Variants in TMEM131 observed in about 807,000 individuals in gnomAD.
The protein encoded by TMEM131 is transmembrane protein 131, also known as 2610524E03Rik.
A neutral mutation model predicts 211.6 loss-of-function variants in TMEM131; 66 were observed. The observed-to-expected ratio is 0.31, with a 90% CI of 0.26 to 0.38. The LOEUF is 0.38. Ranked by LOEUF, TMEM131 falls within the 10% of genes least tolerant of loss-of-function variation. The pLI, the probability that TMEM131 is intolerant of heterozygous loss-of-function variation, is 1.00. For synonymous variants in TMEM131, 844 were observed against 841.3 expected (o/e 1.00, Z -0.06); for missense variants, 2,036 against 2,299.3 (o/e 0.89, Z 2.34).
At chr2:97,762,836 C>T (rs1386187356) in intron 35 of TMEM131, 1 of 152,218 alleles carries the variant, frequency 6.6e-6, no homozygotes. Context: ...CATTGCACTC[C>T]AGCCTGACCC....
chr2:97,812,392 T>C, intron 17 of TMEM131, 29 bp downstream of exon 17: 1 of 1,587,026 alleles, frequency 6.3e-7, no homozygotes, highest in Non-Finnish European at 8.5e-7. Context: ...TCCATCTTAC[T>C]TTAAGGAGAC....
chr2:97,841,908 A>G lies in TMEM131; in HGVS notation c.630T>C (p.Tyr210=). 1 of 1,588,872 alleles carries G rather than the reference A, an allele frequency of 6.3e-7. No homozygotes were observed. The highest frequency in any genetic ancestry group is 8.6e-7 in the Non-Finnish European group (1 of 1,166,232). Residue 210 remains tyrosine (Y), a synonymous_variant, in exon 7 of 41, where the codon TAT becomes TAC. Transcript: ENST00000186436. ...TGGCCCCAAGGAACGGCCTCAATCG[A>G]TATGGATTTGGAACTCCAACACCAA... The part of the protein sequence containing the change: ...QVFGVGVPNP[Y]RLRPFLGARV...
intron 4 of TMEM131, among the ~76,000 whole-genome samples, chr2:97,868,788 T>C (rs116210789): frequency 6.6e-6 from 1 of 152,204 alleles, no homozygotes; most frequent in African/African-American, 2.4e-5. Flanking sequence ...AGTTAGACAG[T>C]AGAACTCCTC....
At chr2:97,987,116 C>T (rs1188998846) in intron 1 of TMEM131, among the ~76,000 whole-genome samples, 1 of 152,228 alleles carries the variant, frequency 6.6e-6, no homozygotes, top group Non-Finnish European at 1.5e-5. Context: ...TTAACTAGCA[C>T]ATCCTTTGAT....
At chr2:97,974,715 GA>G (rs921915520) in intron 1 of TMEM131, among the ~76,000 whole-genome samples, 62 of 140,048 alleles carry the variant, frequency 4.4e-4, no homozygotes, top group East Asian at 1.0e-3. Flanking sequence ...AAAAGAAAAA[GA>G]AAAAAAAAAA....
intron 1 of TMEM131, among the ~76,000 whole-genome samples, chr2:97,931,341 A>G (rs949270745): frequency 2.0e-5 from 3 of 149,090 alleles, no homozygotes; most frequent in Non-Finnish European, 4.4e-5. Context: ...TCAATGTGTC[A>G]GTTGTTTCAA....
At chr2:97,931,784 G>C (rs1475990763) in intron 1 of TMEM131, among the ~76,000 whole-genome samples, 2 of 152,154 alleles carry the variant, frequency 1.3e-5, no homozygotes, top group African/African-American at 4.8e-5. Flanking sequence ...CAGGCCTCAG[G>C]AGGGTCCCCA....
At chr2:97,773,936 G>A (rs1679587935) in intron 32 of TMEM131, among the ~76,000 whole-genome samples, 1 of 152,198 alleles carries the variant, frequency 6.6e-6, no homozygotes, top group South Asian at 2.1e-4. Flanking sequence ...GGAAGCACTG[G>A]CAGGGACAGA....
At chr2:97,841,103 C>G (rs1683173225) in intron 7 of TMEM131, among the ~76,000 whole-genome samples, 1 of 152,194 alleles carries the variant, frequency 6.6e-6, no homozygotes, top group Non-Finnish European at 1.5e-5. Context: ...GCACCCTGGA[C>G]TATTCTAGAA....
chr2:97,951,662 G>C (rs1249016131), intron 1 of TMEM131, among the ~76,000 whole-genome samples: 1 of 151,938 alleles, frequency 6.6e-6, no homozygotes, highest in African/African-American at 2.4e-5. Context: ...ATTTCAAGTT[G>C]TACTCCACTC....
intron 1 of TMEM131, among the ~76,000 whole-genome samples, chr2:97,984,615 T>C (rs1175748396): frequency 6.6e-6 from 1 of 151,904 alleles, no homozygotes; most frequent in Non-Finnish European, 1.5e-5. Context: ...AGGTCTCAGG[T>C]GAACTCTCTT....
chr2:97,824,862 A>G (rs1485082859), intron 11 of TMEM131, among the ~76,000 whole-genome samples: 1 of 152,242 alleles, frequency 6.6e-6, no homozygotes, highest in Non-Finnish European at 1.5e-5. Context: ...CCCCAATTCT[A>G]GGAGTACAAA....
At chr2:97,788,648 C>T (rs1465855571) in intron 31 of TMEM131, among the ~76,000 whole-genome samples, 6 of 152,150 alleles carry the variant, frequency 3.9e-5, no homozygotes, top group African/African-American at 7.2e-5. Context: ...TCTTTTTCTT[C>T]GAGGAGGCAG....
intron 1 of TMEM131, among the ~76,000 whole-genome samples, chr2:97,928,157 T>C (rs1181570577): frequency 6.6e-6 from 1 of 152,172 alleles, no homozygotes; most frequent in African/African-American, 2.4e-5. Flanking sequence ...AATCTGGGCA[T>C]AGTCAAGATG....
chr2:97,792,875 G>A lies in TMEM131; in HGVS notation c.3655C>T (p.His1219Tyr), dbSNP rs1680570690. 6.2e-7 allele frequency: 1 copy of A among 1,613,580 alleles called. No homozygotes were observed. Among genetic ancestry groups the A allele is most frequent in the African/African-American group, 1.3e-5 (1 of 75,006 alleles). ...GSHKQCGPSV[H>Y]PHSSHSNRNS... ...CTATTGCTGTGACTGCTGTGTGGGTGGACCGATGGGCCACACTGCTTATGA... is the reference window on the plus strand; with the variant it reads ...CTATTGCTGTGACTGCTGTGTGGGTAGACCGATGGGCCACACTGCTTATGA... The change falls in exon 31 of 41, where the codon CAC becomes TAC. Residue 1219 changes from histidine (H) to tyrosine (Y), a missense_variant. This residue lies in a region of TMEM131 where 1,623 missense variants were observed against 1,805.9 expected (regional missense o/e 0.90). Coordinates refer to ENST00000186436, the MANE Select transcript of TMEM131 (RefSeq NM_015348.2).
chr2:97,865,234 T>C (rs183173329), intron 4 of TMEM131, among the ~76,000 whole-genome samples: 1 of 152,348 alleles, frequency 6.6e-6, no homozygotes, highest in East Asian at 1.9e-4. Flanking sequence ...CATGATATGT[T>C]TGGAGTAAAT....
In TMEM131 at chr2:97,908,515, C is replaced by T. The variant is rs188153909; in HGVS notation, c.290+143G>A. On this transcript the variant is annotated intron_variant, in intron 3 of 40. Coordinates refer to ENST00000186436, the MANE Select transcript of TMEM131 (RefSeq NM_015348.2). ...CTTAAACCTGGTTTCCCACACACAA[C>T]ACTTAGAAATAATCATATAATGTGA... is the stretch of plus-strand genomic sequence containing the variant. 1.8e-4 allele frequency: 110 copies of T among 605,118 alleles called. 1 individual carries two copies. The African/African-American group carries it at 1.8e-3, about 10-fold the overall frequency. 37.5% of individuals were successfully genotyped at this position (605,118 alleles called of 1,614,324 possible). A position where few individuals can be genotyped will look rare whatever the true frequency, so the allele number is the denominator to read the frequency against.
intron 4 of TMEM131, among the ~76,000 whole-genome samples, chr2:97,877,362 C>T (rs578067836): frequency 6.6e-6 from 1 of 151,996 alleles, no homozygotes; most frequent in African/African-American, 2.4e-5. Context: ...CTACTTTAAA[C>T]TTCATATGGA....
At chr2:97,802,828 A>T in intron 22 of TMEM131, 38 bp from the exon 23 acceptor site, 1 of 1,489,852 alleles carries the variant, frequency 6.7e-7, no homozygotes, top group Non-Finnish European at 9.0e-7. Flanking sequence ...ATCAAAATGA[A>T]ATATTTGAGT....
Sources: allele counts gnomAD v4.1 joint callset (sites outside exome capture counted in the v4.1 genomes callset), GRCh38; gene constraint gnomAD v4.1.1; regional missense constraint gnomAD v4.1.1; transcripts MANE v1.5; gene names NCBI Gene and HGNC (gene_info 2026-07-23, HGNC 2026-07-21).